The following TMEM154 variants were observed in gnomAD, a reference collection of about 807,000 sequenced individuals.
TMEM154 encodes transmembrane protein 154.
In TMEM154, 27 loss-of-function variants were observed where a neutral mutation model predicts 24.5. That is an observed-to-expected ratio of 1.10 (90% CI 0.81 to 1.52). TMEM154 has a LOEUF of 1.52. TMEM154 is among the 40% of genes most tolerant of loss of function. The pLI is 0.00. For synonymous variants in TMEM154, 67 were observed against 76.8 expected (o/e 0.87, Z 0.67); for missense variants, 228 against 213.4 (o/e 1.07, Z -0.43).
intron 3 of TMEM154, among the ~76,000 whole-genome samples, chr4:152,647,549 A>G (rs1210828632): frequency 6.6e-6 from 1 of 152,166 alleles, no homozygotes; most frequent in African/African-American, 2.4e-5. Flanking sequence ...TGTTTTTTTT[A>G]AAGTTAGGCA....
chr4:152,658,499 T>A (rs1256215030), intron 1 of TMEM154, among the ~76,000 whole-genome samples: 2 of 152,092 alleles, frequency 1.3e-5, no homozygotes, highest in Admixed American at 6.5e-5. Flanking sequence ...AACACTACAA[T>A]GAAATATCAT....
At chr4:152,636,069 G>A (rs1362953880) in intron 6 of TMEM154, among the ~76,000 whole-genome samples, 1 of 152,198 alleles carries the variant, frequency 6.6e-6, no homozygotes, top group East Asian at 1.9e-4. Context: ...GGAAGAGGCT[G>A]GCTAGATTGG....
chr4:152,678,962 G>T (rs1729006871), intron 1 of TMEM154, among the ~76,000 whole-genome samples: 1 of 152,170 alleles, frequency 6.6e-6, no homozygotes, highest in Non-Finnish European at 1.5e-5. Context: ...TCTATCTAAA[G>T]AACTGTAGCT....
intron 1 of TMEM154, among the ~76,000 whole-genome samples, chr4:152,662,617 C>T (rs115111254): frequency 0.014 from 2,181 of 152,128 alleles, 58 homozygotes; most frequent in African/African-American, 0.049. Context: ...TCCCCCAAAA[C>T]ATGACAGGTG....
chr4:152,653,637 G>A (rs1463385367), intron 1 of TMEM154, among the ~76,000 whole-genome samples: 2 of 150,020 alleles, frequency 1.3e-5, no homozygotes, highest in African/African-American at 4.9e-5. Context: ...TGATCCACCC[G>A]CCTCAGCCTA....
chr4:152,640,892 C>CCAAAAA, intron 6 of TMEM154, 36 bp downstream of exon 6: 16 of 1,454,052 alleles, frequency 1.1e-5, no homozygotes, highest in Non-Finnish European at 1.4e-5. Flanking sequence ...CGCCCCCCGC[C>CCAAAAA]ATATACATGT....
intron 3 of TMEM154, among the ~76,000 whole-genome samples, chr4:152,648,779 A>G (rs1447995475): frequency 6.6e-6 from 1 of 152,204 alleles, no homozygotes; most frequent in Non-Finnish European, 1.5e-5. Context: ...TTTGGAGCCT[A>G]AGAGCCTCAC....
intron 1 of TMEM154, among the ~76,000 whole-genome samples, chr4:152,659,763 G>A (rs1282287647): frequency 1.3e-5 from 2 of 152,152 alleles, no homozygotes; most frequent in African/African-American, 4.8e-5. Flanking sequence ...CAAGGCCCTA[G>A]AAGATGCCTG....
At chr4:152,646,708 C>CAG (rs1728247650) in intron 3 of TMEM154, 2 of 452,220 alleles carry the variant, frequency 4.4e-6, no homozygotes, top group Non-Finnish European at 7.8e-6. Flanking sequence ...CTTAGCCTGA[C>CAG]AGTACTCTCC....
At position 152,621,984 on chromosome 4, in the gene TMEM154, A is replaced by C. The variant is rs192213944; in HGVS notation, c.*6562T>G. 2.0e-5 allele frequency: 3 copies of C among 152,116 alleles called. No individual in the cohort carries two copies. Among genetic ancestry groups the C allele is most frequent in the Admixed American group, 6.5e-5 (1 of 15,278 alleles). The allele number at this position is 152,116 out of a possible 1,614,324, so 9.4% of individuals were successfully genotyped here. On this transcript the variant is annotated 3_prime_UTR_variant, in exon 7 of 7. Transcript: ENST00000304385. Reference sequence around the variant, plus strand: ...AGGCGACAGCCACCATGCCTGGCTAATTTTTGTATTTTTAGTAGAGACAGG... The same window carrying C: ...AGGCGACAGCCACCATGCCTGGCTACTTTTTGTATTTTTAGTAGAGACAGG...
chr4:152,675,156 C>CAAAAAAAAAAAAAAAAAA, intron 1 of TMEM154, among the ~76,000 whole-genome samples: 1 of 83,174 alleles, frequency 1.2e-5, no homozygotes. Context: ...GGCTCCATCT[C>CAAAAAAAAAAAAAAAAAA]AAAAAAAAAA....
chr4:152,628,369 C>T lies in TMEM154; in HGVS notation c.*177G>A. On this transcript the variant is annotated 3_prime_UTR_variant, in exon 7 of 7. Coordinates refer to ENST00000304385, the MANE Select transcript of TMEM154 (RefSeq NM_152680.3). ...AGTACTTCTCAATTGCACATTCTTC[C>T]AAGTGCAAGTGATGCCATCATTAGG... is the stretch of plus-strand genomic sequence containing the variant. The T allele has an allele frequency of 9.4e-7, 1 of 1,069,292 alleles. No homozygotes were observed. The highest frequency in any genetic ancestry group is 1.4e-6 in the Non-Finnish European group (1 of 714,938). 66.2% of individuals were successfully genotyped at this position (1,069,292 alleles called of 1,614,324 possible). A position where few individuals can be genotyped will look rare whatever the true frequency, so the allele number is the denominator to read the frequency against.
chr4:152,657,818 C>T (rs1728520651), intron 1 of TMEM154, among the ~76,000 whole-genome samples: 1 of 152,056 alleles, frequency 6.6e-6, no homozygotes, highest in Admixed American at 6.5e-5. Context: ...AGTCAAAGGG[C>T]TGAAAGAAAA....
intron 6 of TMEM154, among the ~76,000 whole-genome samples, chr4:152,634,015 G>C (rs115652982): frequency 0.031 from 3,637 of 117,538 alleles, 66 homozygotes; most frequent in Middle Eastern, 0.14. Context: ...CTGGGCAAGA[G>C]AGTGAGACCC....
intron 1 of TMEM154, among the ~76,000 whole-genome samples, chr4:152,671,152 A>G (rs1203740675): frequency 1.3e-5 from 2 of 151,950 alleles, no homozygotes; most frequent in East Asian, 3.9e-4. Context: ...TTGAGGGCAC[A>G]GCATACAGAA....
At chr4:152,668,923 T>C (rs765304550) in intron 1 of TMEM154, 2 of 152,340 alleles carry the variant, frequency 1.3e-5, no homozygotes, top group Middle Eastern at 3.4e-3. Context: ...CTAAAGCAAC[T>C]GGGCTTCTGG....
At chr4:152,673,988 A>C (rs1728903730) in intron 1 of TMEM154, among the ~76,000 whole-genome samples, 1 of 152,006 alleles carries the variant, frequency 6.6e-6, no homozygotes, top group Non-Finnish European at 1.5e-5. Context: ...GGTTGTATAG[A>C]AAAATTTCCT....
intron 1 of TMEM154, among the ~76,000 whole-genome samples, chr4:152,658,861 C>T (rs577031306): frequency 1.3e-5 from 2 of 151,790 alleles, no homozygotes; most frequent in Non-Finnish European, 2.9e-5. Flanking sequence ...AGCATTCTTG[C>T]CTCATCTCTG....
At position 152,659,731 on chromosome 4, in the gene TMEM154, A is replaced by G. The variant is rs75780956; in HGVS notation, c.65-6804T>C. Among the ~76,000 whole-genome samples the G allele has an allele frequency of 4.7e-3, 719 of 152,294 alleles. 18 individuals carry two copies. The East Asian group carries it at 0.072, about 15-fold the overall frequency. ...TGTCCTACATTTACAGTAGTCCCCC[A>G]TTATCCAAGCGGAACATGTTTCAAG... On this transcript the variant is annotated intron_variant, in intron 1 of 6. Transcript: ENST00000304385.
Sources: gnomAD v4.1 joint callset for allele counts (sites outside exome capture counted in the v4.1 genomes callset) on GRCh38, gnomAD v4.1.1 for gene constraint, MANE v1.5 for transcripts, NCBI Gene and HGNC (gene_info 2026-07-23, HGNC 2026-07-21) for gene names.